Variants in REXO1 observed in about 807,000 individuals in gnomAD.
REXO1 encodes the protein RNA exonuclease 1 homolog.
REXO1 carries 42 observed loss-of-function variants against 102.6 expected under a neutral mutation model. That is an observed-to-expected ratio of 0.41 (90% CI 0.32 to 0.53). The LOEUF (loss-of-function observed/expected upper bound fraction) is 0.53, where lower values mean the gene tolerates loss of function less well. REXO1 is among the 20% of genes least tolerant of loss of function. The pLI is 0.27. For synonymous variants in REXO1, 908 were observed against 779.1 expected, an observed-to-expected ratio of 1.17 and a Z score of -2.76; for missense variants, 1,819 against 1,732.5, an observed-to-expected ratio of 1.05 and a Z score of -0.89.
At position 1,842,804 on chromosome 19, in the gene REXO1, G is replaced by A. The variant is rs374201319; in HGVS notation, c.157+5398C>T. 4.1e-4 allele frequency among the ~76,000 whole-genome samples: 63 copies of A among 152,354 alleles called. 1 individual carries two copies. Among genetic ancestry groups the A allele is most frequent in the African/African-American group, 9.6e-4 (40 of 41,590 alleles). ...GCCACACTTCTCCTCTGGCTCTTCCGTATTCTCTGATGTTTCTAAAACAAA... is the reference window on the plus strand; with the variant it reads ...GCCACACTTCTCCTCTGGCTCTTCCATATTCTCTGATGTTTCTAAAACAAA... On this transcript the variant is annotated intron_variant, in intron 1 of 15. Coordinates refer to ENST00000170168, the MANE Select transcript of REXO1 (RefSeq NM_020695.4).
At chr19:1,847,490 T>C (rs1177713340) in intron 1 of REXO1, among the ~76,000 whole-genome samples, 1 of 152,152 alleles carries the variant, frequency 6.6e-6, no homozygotes, top group African/African-American at 2.4e-5. Context: ...CCTCCACGAC[T>C]TTCCTTGCGA....
intron 1 of REXO1, among the ~76,000 whole-genome samples, chr19:1,837,841 G>A (rs954538948): frequency 4.6e-5 from 7 of 152,182 alleles, no homozygotes; most frequent in African/African-American, 7.2e-5. Flanking sequence ...AAAAGGTCCC[G>A]GCCTGACCGG....
Position 1,841,397 on chromosome 19 carries a change from G to GGAGGACA in REXO1, c.157+6798_157+6804dup, listed in dbSNP as rs1371823779. On this transcript the variant is annotated intron_variant, in intron 1 of 15. Transcript: ENST00000170168. ...TTCTGAGGGTGGGGAGGAGGGCGGA[G>GGAGGACA]GAGGACAGAGTTTTCTCGTCAAAGT... Among the ~76,000 whole-genome samples the GGAGGACA allele has an allele frequency of 2.6e-5, 4 of 152,228 alleles. No individual in the cohort carries two copies. In the East Asian group the frequency reaches 7.7e-4, roughly 29 times the overall value.
rs1078229 is a variant in REXO1 at position 1,826,384 on chromosome 19, A to T, written c.1912-441T>A. On this transcript the variant is annotated intron_variant, in intron 2 of 15. Coordinates refer to ENST00000170168, the MANE Select transcript of REXO1 (RefSeq NM_020695.4). The surrounding 1 kb of genome is among the most constrained non-coding windows in gnomAD (Gnocchi z 4.3). ...AGCAAGAGCTCGCCACGCTGGGAGT[A>T]GGGAGGAGGGAGGGGAGGAGAAAGG... Among the ~76,000 whole-genome samples, 4 of 149,672 alleles carry T rather than the reference A, an allele frequency of 2.7e-5. No individual in the cohort carries two copies. Among genetic ancestry groups the T allele is most frequent in the African/African-American group, 7.4e-5 (3 of 40,606 alleles).
intron 1 of REXO1, among the ~76,000 whole-genome samples, chr19:1,832,614 A>AGCACGGTGGCTCACGCCTGTCATCCCAG (rs551427326): frequency 1.3e-5 from 2 of 150,984 alleles, no homozygotes; most frequent in Admixed American, 6.6e-5. Context: ...CTGTCATCCC[A>AGCACGGTGGCTCACGCCTGTCATCCCAG]GCACGGTGGC....
At position 1,826,488 on chromosome 19, in the gene REXO1, G is replaced by A. The variant is rs1344418246; in HGVS notation, c.1911+390C>T. Reference sequence around the variant, plus strand: ...AAGAGACAGAGATGGGGGAAGGGAGGAGGGGAGAAGAGAGGGGGAAGGGAG... The same window carrying A: ...AAGAGACAGAGATGGGGGAAGGGAGAAGGGGAGAAGAGAGGGGGAAGGGAG... On this transcript the variant is annotated intron_variant, in intron 2 of 15. Transcript: ENST00000170168. The surrounding 1 kb of genome is among the most constrained non-coding windows in gnomAD (Gnocchi z 4.3). Among the ~76,000 whole-genome samples the A allele has an allele frequency of 2.0e-5, 3 of 148,492 alleles. No individual in the cohort carries two copies. Among genetic ancestry groups the A allele is most frequent in the Admixed American group, 6.7e-5 (1 of 14,884 alleles).
chr19:1,816,748 A>C lies in REXO1; in HGVS notation c.3267T>G (p.Val1089=). 1 of 1,612,854 alleles carries C rather than the reference A, an allele frequency of 6.2e-7. No homozygotes were observed. The highest frequency in any genetic ancestry group is 8.5e-7 in the Non-Finnish European group (1 of 1,179,872). ...TGTCAGGCTTCACGAAGGTGTCATA[A>C]ACCACGTGCACGTCCGTGTCGACCA... ...VTVVDTDVHV[V]YDTFVKPDNE... The change falls in exon 13 of 16, where the codon GTT becomes GTG. Residue 1089 remains valine, a synonymous_variant. Transcript: ENST00000170168.
At chr19:1,823,269 T>C in intron 4 of REXO1, 1 of 364,038 alleles carries the variant, frequency 2.7e-6, no homozygotes, top group East Asian at 4.0e-5. Context: ...TACCCCGACA[T>C]GGCTCCCCAT....
intron 12 of REXO1, 187 bp downstream of exon 12, chr19:1,817,032 G>A (rs759130853): frequency 6.3e-6 from 5 of 792,912 alleles, no homozygotes; most frequent in Middle Eastern, 3.8e-4. Context: ...CCCAGTGCCC[G>A]GTGTGCTTGG....
At chr19:1,828,769 C>A in intron 1 of REXO1, 138 bp from the exon 2 acceptor site, 1 of 1,175,838 alleles carries the variant, frequency 8.5e-7, no homozygotes, top group Non-Finnish European at 1.2e-6. Flanking sequence ...CCCGCCAAGG[C>A]TCTGGGGTGC....
chr19:1,848,126 C>A (rs2011640397), intron 1 of REXO1, 76 bp downstream of exon 1: 1 of 759,968 alleles, frequency 1.3e-6, no homozygotes, highest in South Asian at 6.7e-5. Context: ...GAACGGGGAC[C>A]CCGGGCGGGA....
At chr19:1,841,281 G>A (rs1182607041) in intron 1 of REXO1, among the ~76,000 whole-genome samples, 2 of 152,228 alleles carry the variant, frequency 1.3e-5, no homozygotes, top group Admixed American at 6.5e-5. Context: ...CCCACTGCGC[G>A]GACAGCGTAA....
intron 1 of REXO1, among the ~76,000 whole-genome samples, chr19:1,843,479 G>A (rs1023619505): frequency 8.5e-5 from 13 of 152,154 alleles, no homozygotes; most frequent in African/African-American, 3.1e-4. Context: ...CAACGCAAAG[G>A]ACAGCCCACC....
At chr19:1,823,527 C>T in intron 4 of REXO1, 45 bp downstream of exon 4, 3 of 1,255,096 alleles carry the variant, frequency 2.4e-6, no homozygotes, top group Non-Finnish European at 3.1e-6. Flanking sequence ...CTCCTGCCCA[C>T]ATGCCCACGG....
intron 1 of REXO1, among the ~76,000 whole-genome samples, chr19:1,847,279 C>T (rs1004526515): frequency 1.3e-5 from 2 of 152,182 alleles, no homozygotes; most frequent in Non-Finnish European, 2.9e-5. Flanking sequence ...ATTCTTAAAT[C>T]CTAGAGAAGA....
Position 1,823,750 on chromosome 19 carries a change from CG to C in REXO1, c.2051del (p.Pro684ArgfsTer87). The C allele has an allele frequency of 2.4e-6, 3 of 1,260,614 alleles. No individual in the cohort carries two copies. Among genetic ancestry groups the C allele is most frequent in the Admixed American group, 3.8e-5 (1 of 26,024 alleles). The allele number at this position is 1,260,614 out of a possible 1,614,324, so 78.1% of individuals were successfully genotyped here. A position where few individuals can be genotyped will look rare whatever the true frequency, so the allele number is the denominator to read the frequency against. On this transcript the variant is annotated frameshift_variant, in exon 4 of 16. Coordinates refer to ENST00000170168, the MANE Select transcript of REXO1 (RefSeq NM_020695.4). LOFTEE classifies it high-confidence loss of function. ...CCTCCTGCGCCGTCGGGGGCCGGGC[CG>C]GGGGCACCGCGGGACCCCTCCTCGG... ...EPPRRGPAVP[P>X]ARPPTAQEVC...
intron 12 of REXO1, 65 bp downstream of exon 12, chr19:1,817,154 G>GGCCAGATGGA (rs2145229850): frequency 1.0e-5 from 16 of 1,586,772 alleles, no homozygotes; most frequent in East Asian, 4.5e-5. Context: ...GGCCAGATGG[G>GGCCAGATGGA]GCGGCCGCAC....
rs537748308 is a variant in REXO1 at position 1,816,170 on chromosome 19, G to T, written c.3578-16C>A. ...TGCCCATCCACTGCGGGGCAGATGCGGTGAGCACCCGGCCCCTGCGCAGGG... is the reference window on the plus strand; with the variant it reads ...TGCCCATCCACTGCGGGGCAGATGCTGTGAGCACCCGGCCCCTGCGCAGGG... On this transcript the variant is annotated splice_polypyrimidine_tract_variant and intron_variant, in intron 15 of 15. Transcript: ENST00000170168. 20 of 1,554,404 alleles carry T rather than the reference G, an allele frequency of 1.3e-5. No individual in the cohort carries two copies. In the African/African-American group the frequency reaches 2.6e-4, roughly 20 times the overall value.
rs149519499 is a variant in REXO1 at position 1,827,519 on chromosome 19, G to A, written c.1270C>T (p.Arg424Trp). The change falls in exon 2 of 16, where the codon CGG (arginine) becomes TGG (tryptophan). Residue 424 changes from arginine to tryptophan, a missense_variant. Physicochemically the swap from Arg to Trp is moderately radical, Grantham distance 101. Transcript: ENST00000170168. ...DKKGPQASSP[R>W]RKAERPEGTK... ...CCTTCCGGCCGCTCTGCCTTGCGCC[G>A]GGGGCTGCTGGCCTGCGGGCCCTTC... is the stretch of plus-strand genomic sequence containing the variant. 581 of 1,581,030 alleles carry A rather than the reference G, an allele frequency of 3.7e-4. No homozygotes were observed. The highest frequency in any genetic ancestry group is 4.5e-4 in the Non-Finnish European group (526 of 1,173,156).
Sources: allele counts gnomAD v4.1 joint callset (sites outside exome capture counted in the v4.1 genomes callset), GRCh38; gene constraint gnomAD v4.1.1; non-coding constraint Gnocchi (gnomAD v3.1); transcripts MANE v1.5; gene names NCBI Gene and HGNC (gene_info 2026-07-23, HGNC 2026-07-21).